Variants in CSMD1 observed in about 807,000 individuals in gnomAD.
CSMD1 encodes the protein CUB and Sushi multiple domains 1, also known as CUB and sushi domain-containing protein 1.
A neutral mutation model predicts 417.5 loss-of-function variants in CSMD1; 213 were observed. The ratio of observed to expected loss-of-function variants is 0.51; its 90% CI spans 0.46 to 0.57. The LOEUF is 0.57. Among genes scored for constraint, CSMD1 ranks in the 20% least tolerant of loss-of-function variants. The pLI, the probability that CSMD1 is intolerant of heterozygous loss-of-function variation, is 0.00. For synonymous variants in CSMD1, 2,862 were observed against 1,736.8 expected (o/e 1.65, Z -16.11); for missense variants, 6,923 against 4,529.7 (o/e 1.53, Z -15.17).
At position 4,907,816 on chromosome 8, in the gene CSMD1, T is replaced by C. The variant is rs531929397; in HGVS notation, c.85+86516A>G. ...CCTGGGCTCAAGCAATCCTCTTTCCTCAGCCTCGCAAAGTGCTGGGATTAC... is the reference window on the plus strand; with the variant it reads ...CCTGGGCTCAAGCAATCCTCTTTCCCCAGCCTCGCAAAGTGCTGGGATTAC... On this transcript the variant is annotated intron_variant, in intron 1 of 69. Transcript: ENST00000635120. Among the ~76,000 whole-genome samples, 79 of 152,044 alleles carry C rather than the reference T, an allele frequency of 5.2e-4. No individual in the cohort carries two copies. In the East Asian group the frequency reaches 0.012, roughly 24 times the overall value.
rs187070155 is a variant in CSMD1, at chr8:4,217,183, C to T, written c.416-185084G>A. Among the ~76,000 whole-genome samples the T allele has an allele frequency of 6.6e-5, 10 of 152,286 alleles. No individual in the cohort carries two copies. In the East Asian group the frequency reaches 1.5e-3, roughly 24 times the overall value. ...CTACTGAATACTTTTCATGCCGCTG[C>T]TTATCATGCAAAGTTATAGCTAGCA... is the stretch of plus-strand genomic sequence containing the variant. On this transcript the variant is annotated intron_variant, in intron 3 of 69. Coordinates refer to ENST00000635120, the MANE Select transcript of CSMD1 (RefSeq NM_033225.6).
intron 67 of CSMD1, among the ~76,000 whole-genome samples, chr8:2,949,855 T>C (rs145365082): frequency 3.4e-4 from 52 of 152,294 alleles, no homozygotes; most frequent in African/African-American, 1.2e-3. Context: ...TAAATCTTTC[T>C]ATTTATCTGG....
intron 3 of CSMD1, among the ~76,000 whole-genome samples, chr8:4,363,398 A>C (rs1410570457): frequency 6.6e-6 from 1 of 152,210 alleles, no homozygotes; most frequent in Non-Finnish European, 1.5e-5. Flanking sequence ...AGAGGGATAA[A>C]AAAATGTTCT....
intron 5 of CSMD1, among the ~76,000 whole-genome samples, chr8:3,799,262 T>A (rs532891916): frequency 1.3e-5 from 2 of 152,066 alleles, no homozygotes; most frequent in East Asian, 1.9e-4. Context: ...CATTTTTTTT[T>A]ATACTTTAAG....
intron 1 of CSMD1, among the ~76,000 whole-genome samples, chr8:4,707,297 A>G (rs1433866895): frequency 6.6e-6 from 1 of 152,230 alleles, no homozygotes; most frequent in African/African-American, 2.4e-5. Flanking sequence ...GAGGAAATTG[A>G]AGCTTGGAGA....
intron 15 of CSMD1, among the ~76,000 whole-genome samples, chr8:3,403,242 T>G (rs770377228): frequency 7.2e-5 from 11 of 152,232 alleles, no homozygotes; most frequent in Non-Finnish European, 1.5e-4. Flanking sequence ...GATGTGAGCT[T>G]CTTCAAACAT....
chr8:4,211,105 T>A (rs1585030316), intron 3 of CSMD1, among the ~76,000 whole-genome samples: 1 of 152,234 alleles, frequency 6.6e-6, no homozygotes, highest in African/African-American at 2.4e-5. Flanking sequence ...TTTGGGAATT[T>A]TCTTGCTGTT....
At chr8:4,129,941 C>T (rs1802994658) in intron 3 of CSMD1, among the ~76,000 whole-genome samples, 1 of 151,972 alleles carries the variant, frequency 6.6e-6, no homozygotes, top group Non-Finnish European at 1.5e-5. Context: ...TATTTAAGTT[C>T]TTATATCTTG....
At chr8:4,952,302 T>C (rs1216283071) in intron 1 of CSMD1, among the ~76,000 whole-genome samples, 3 of 151,720 alleles carry the variant, frequency 2.0e-5, no homozygotes, top group Non-Finnish European at 4.4e-5. Flanking sequence ...ATAATCAAGT[T>C]AATTAGCCAA....
intron 1 of CSMD1, among the ~76,000 whole-genome samples, chr8:4,806,469 T>C (rs1442793811): frequency 6.6e-6 from 1 of 152,220 alleles, no homozygotes; most frequent in Non-Finnish European, 1.5e-5. Context: ...CCCACGCCCA[T>C]CTGTGGGCCA....
At chr8:3,159,741 C>A (rs1378860870) in intron 38 of CSMD1, among the ~76,000 whole-genome samples, 1 of 152,186 alleles carries the variant, frequency 6.6e-6, no homozygotes, top group East Asian at 1.9e-4. Flanking sequence ...AAAAACAGAG[C>A]TAATAAACGG....
At chr8:3,148,742 C>T (rs1261712699) in intron 40 of CSMD1, among the ~76,000 whole-genome samples, 1 of 152,162 alleles carries the variant, frequency 6.6e-6, no homozygotes, top group Non-Finnish European at 1.5e-5. Context: ...GAACTCCTAC[C>T]AGGGGCATCA....
At chr8:4,342,003 T>C (rs1404005511) in intron 3 of CSMD1, among the ~76,000 whole-genome samples, 1 of 152,094 alleles carries the variant, frequency 6.6e-6, no homozygotes, top group East Asian at 1.9e-4. Flanking sequence ...CACCATGCAG[T>C]CATTTTAAGA....
chr8:3,744,278 G>A (rs1368599562), intron 6 of CSMD1, among the ~76,000 whole-genome samples: 1 of 152,130 alleles, frequency 6.6e-6, no homozygotes, highest in Non-Finnish European at 1.5e-5. Context: ...CAAAAGATGA[G>A]TTTGAAAAGG....
chr8:4,225,433 C>G (rs746626259), intron 3 of CSMD1, among the ~76,000 whole-genome samples: 2 of 151,342 alleles, frequency 1.3e-5, no homozygotes, highest in East Asian at 3.9e-4. Flanking sequence ...ATACATTATT[C>G]TGATGAGTAT....
intron 1 of CSMD1, among the ~76,000 whole-genome samples, chr8:4,732,678 T>A (rs1336123039): frequency 6.6e-6 from 1 of 152,156 alleles, no homozygotes; most frequent in Non-Finnish European, 1.5e-5. Flanking sequence ...CTGCCCCAGC[T>A]GTATCCTTGC....
intron 49 of CSMD1, among the ~76,000 whole-genome samples, chr8:3,076,608 A>G (rs935661750): frequency 1.3e-5 from 2 of 152,126 alleles, no homozygotes; most frequent in African/African-American, 4.8e-5. Context: ...AACTGCTCTC[A>G]CTATTTTTAA....
intron 5 of CSMD1, among the ~76,000 whole-genome samples, chr8:3,780,001 C>A (rs1799090058): frequency 6.6e-6 from 1 of 152,196 alleles, no homozygotes; most frequent in South Asian, 2.1e-4. Flanking sequence ...AGCTCCTTTT[C>A]CTAAATACAA....
intron 5 of CSMD1, among the ~76,000 whole-genome samples, chr8:3,792,047 T>G (rs961565387): frequency 2.6e-5 from 4 of 152,136 alleles, no homozygotes; most frequent in Admixed American, 2.6e-4. Flanking sequence ...TTGGGCAACC[T>G]CAAAGTTTAA....
Sources: gnomAD v4.1 joint callset for allele counts (sites outside exome capture counted in the v4.1 genomes callset) on GRCh38, gnomAD v4.1.1 for gene constraint, MANE v1.5 for transcripts, NCBI Gene and HGNC (gene_info 2026-07-23, HGNC 2026-07-21) for gene names.